The following CIRSR variants were observed in gnomAD, a reference collection of about 807,000 sequenced individuals.
CIRSR encodes the protein CBF1 (RBPJ) interacting corepressor 1.
chr2:174,389,806 A>T, the CIRSR span, among the ~76,000 whole-genome samples: 1 of 152,090 alleles, frequency 6.6e-6, no homozygotes, highest in African/African-American at 2.4e-5. Flanking sequence ...CCTGCATTCC[A>T]GCCACTCCAG....
the CIRSR span, among the ~76,000 whole-genome samples, chr2:174,363,886 A>C: frequency 6.6e-6 from 1 of 152,146 alleles, no homozygotes; most frequent in Non-Finnish European, 1.5e-5. Context: ...GGACACGGCC[A>C]AACCATATCA....
chr2:174,378,769 T>G, the CIRSR span: 1 of 674,680 alleles, frequency 1.5e-6, no homozygotes. Context: ...GAGTTTCCCA[T>G]TAATCATATT....
At chr2:174,387,911 C>A in the CIRSR span, 1 of 664,112 alleles carries the variant, frequency 1.5e-6, no homozygotes, top group Admixed American at 3.5e-5. Context: ...CTTCCCTGGG[C>A]CACAGAAAAC....
the CIRSR span, among the ~76,000 whole-genome samples, chr2:174,366,859 C>T: frequency 5.3e-5 from 8 of 151,964 alleles, no homozygotes; most frequent in South Asian, 4.1e-4. Context: ...GTATAGTATT[C>T]GAAAGTGGAC....
At chr2:174,381,656 C>CA in the CIRSR span, 3 of 1,386,846 alleles carry the variant, frequency 2.2e-6, no homozygotes, top group East Asian at 4.9e-5. Context: ...GACTGTGCCT[C>CA]AGAAAAAAAA....
chr2:174,380,472 TAAAAC>T, the CIRSR span, among the ~76,000 whole-genome samples: 106 of 152,180 alleles, frequency 7.0e-4, no homozygotes, highest in African/African-American at 2.4e-3. Flanking sequence ...AAAAAGTATA[TAAAAC>T]AAAAGACTAT....
chr2:174,366,846 A>G, the CIRSR span, among the ~76,000 whole-genome samples: 107,454 of 152,054 alleles, frequency 0.71, 38,462 homozygotes, highest in South Asian at 0.84. Context: ...TAACCATGAA[A>G]TTGTATAGTA....
the CIRSR span, chr2:174,395,500 T>C: frequency 6.4e-7 from 1 of 1,555,062 alleles, no homozygotes; most frequent in South Asian, 1.1e-5. Flanking sequence ...CAGCAGCCTC[T>C]GGGAAGGCGG....
At chr2:174,353,887 C>T in the CIRSR span, among the ~76,000 whole-genome samples, 4 of 152,010 alleles carry the variant, frequency 2.6e-5, no homozygotes, top group Non-Finnish European at 5.9e-5. Context: ...ACTACATTTC[C>T]TTGTCAACAA....
chr2:174,361,899 AC>A, the CIRSR span, among the ~76,000 whole-genome samples: 1 of 152,154 alleles, frequency 6.6e-6, no homozygotes, highest in African/African-American at 2.4e-5. Flanking sequence ...GTATCTGGTG[AC>A]ATTATTTTGA....
chr2:174,378,916 T>G, the CIRSR span: 51 of 1,579,162 alleles, frequency 3.2e-5, no homozygotes, highest in Non-Finnish European at 4.4e-5. Context: ...TCATGTCTAG[T>G]GCCTACCTGA....
chr2:174,376,410 A>AGT, the CIRSR span, among the ~76,000 whole-genome samples: 6 of 152,338 alleles, frequency 3.9e-5, no homozygotes, highest in African/African-American at 1.2e-4. Flanking sequence ...ACTAAGGAAT[A>AGT]GTACCACAGT....
chr2:174,366,079 G>A, the CIRSR span, among the ~76,000 whole-genome samples: 5 of 152,174 alleles, frequency 3.3e-5, no homozygotes, highest in South Asian at 2.1e-4. Context: ...TAGATTAGTC[G>A]TAAATTCATA....
At chr2:174,383,580 C>T in the CIRSR span, among the ~76,000 whole-genome samples, 3 of 151,494 alleles carry the variant, frequency 2.0e-5, no homozygotes, top group Non-Finnish European at 4.4e-5. Flanking sequence ...ATTAGCCGGG[C>T]GTGGTGGCAG....
the CIRSR span, chr2:174,350,572 C>T: frequency 1.3e-6 from 1 of 762,248 alleles, no homozygotes; most frequent in Non-Finnish European, 2.1e-6. Context: ...TAAGGACCTT[C>T]ATGAGCTCTT....
chr2:174,349,018 T>C, the CIRSR span: 5 of 1,598,828 alleles, frequency 3.1e-6, no homozygotes, highest in South Asian at 3.4e-5. Context: ...TCACTCTCAC[T>C]ACTGCTTTCT....
chr2:174,355,056 T>C, the CIRSR span, among the ~76,000 whole-genome samples: 1 of 152,000 alleles, frequency 6.6e-6, no homozygotes, highest in Non-Finnish European at 1.5e-5. Flanking sequence ...GTTCTAGGTT[T>C]AGGAGATGAA....
chr2:174,376,430 C>CCT, the CIRSR span, among the ~76,000 whole-genome samples: 1 of 152,094 alleles, frequency 6.6e-6, no homozygotes, highest in Admixed American at 6.5e-5. Flanking sequence ...TAAAACCCCA[C>CCT]CATAAGAGGG....
chr2:174,380,546 C>T, the CIRSR span: 8 of 1,004,274 alleles, frequency 8.0e-6, no homozygotes, highest in Non-Finnish European at 3.0e-6. Context: ...TAACTTTTCA[C>T]ATCAGTTGCC....
Sources: gnomAD v4.1 joint callset for allele counts (sites outside exome capture counted in the v4.1 genomes callset) on GRCh38, gnomAD v4.1.1 for gene constraint, MANE v1.5 for transcripts, NCBI Gene and HGNC (gene_info 2026-07-23, HGNC 2026-07-21) for gene names.